Variants in SGCD observed in about 807,000 individuals in gnomAD.
SGCD encodes the protein sarcoglycan delta.
SGCD carries 18 observed loss-of-function variants against 36.6 expected under a neutral mutation model. The observed-to-expected ratio is 0.49, with a 90% CI of 0.34 to 0.73. SGCD has a LOEUF of 0.73. Among genes scored for constraint, SGCD ranks in the 30% least tolerant of loss-of-function variants. The pLI is 0.01. For missense variants in SGCD, 387 were observed against 346.7 expected (o/e 1.12, Z -0.92); for synonymous variants, 133 against 130.6 (o/e 1.02, Z -0.12).
chr5:155,982,128 T>C (rs1021758818), intron 1 of SGCD, among the ~76,000 whole-genome samples: 2 of 152,224 alleles, frequency 1.3e-5, no homozygotes, highest in Non-Finnish European at 2.9e-5. Flanking sequence ...ACCTTGTGTG[T>C]GTCTCCATTG....
chr5:156,593,384 A>G (rs1006844318), intron 5 of SGCD, among the ~76,000 whole-genome samples: 2 of 152,144 alleles, frequency 1.3e-5, no homozygotes, highest in South Asian at 2.1e-4. Flanking sequence ...ATGGATCAAG[A>G]CAAAACAACA....
intron 1 of SGCD, among the ~76,000 whole-genome samples, chr5:156,074,638 C>T (rs67349834): frequency 0.13 from 19,861 of 151,972 alleles, 1,571 homozygotes; most frequent in Admixed American, 0.2. Context: ...CAAGATTATA[C>T]CACTGCACTC....
At chr5:156,394,015 T>C in intron 3 of SGCD, 1 of 353,746 alleles carries the variant, frequency 2.8e-6, no homozygotes, top group Non-Finnish European at 5.6e-6. Flanking sequence ...TCAATTGTGA[T>C]TTAATGGTGC....
At chr5:155,885,926 C>A (rs907880870) in intron 1 of SGCD, among the ~76,000 whole-genome samples, 10 of 152,210 alleles carry the variant, frequency 6.6e-5, no homozygotes, top group African/African-American at 2.4e-4. Context: ...TCCTAACTTT[C>A]CTGACTGAAT....
At chr5:155,885,863 A>C (rs1243173694) in intron 1 of SGCD, among the ~76,000 whole-genome samples, 3 of 152,232 alleles carry the variant, frequency 2.0e-5, no homozygotes. Flanking sequence ...GAAGGATCAC[A>C]GTGCTTTTCT....
chr5:156,657,964 G>A (rs1164220790), intron 7 of SGCD, among the ~76,000 whole-genome samples: 4 of 132,158 alleles, frequency 3.0e-5, no homozygotes, highest in Admixed American at 7.8e-5. Context: ...AGACAAACAC[G>A]TGAACAAAGG....
intron 3 of SGCD, among the ~76,000 whole-genome samples, chr5:156,146,690 A>G (rs538146983): frequency 6.6e-6 from 1 of 152,328 alleles, no homozygotes; most frequent in South Asian, 2.1e-4. Flanking sequence ...AATAGACAAT[A>G]TCCCAAAAAG....
chr5:156,448,741 T>C (rs1204751036), intron 3 of SGCD, among the ~76,000 whole-genome samples: 2 of 132,196 alleles, frequency 1.5e-5, no homozygotes, highest in African/African-American at 2.9e-5. Flanking sequence ...CTTTTTTTTT[T>C]TTTTTTTTTT....
At chr5:155,917,183 C>T (rs1029191744) in intron 1 of SGCD, among the ~76,000 whole-genome samples, 1 of 152,172 alleles carries the variant, frequency 6.6e-6, no homozygotes, top group Non-Finnish European at 1.5e-5. Flanking sequence ...GGTTGCACTT[C>T]TCACCTCTGA....
intron 1 of SGCD, among the ~76,000 whole-genome samples, chr5:155,916,415 T>C (rs1377707627): frequency 6.6e-6 from 1 of 152,190 alleles, no homozygotes. Flanking sequence ...AAGTTTGACA[T>C]GAGGTCTCTA....
chr5:155,781,352 C>A, the SGCD span, among the ~76,000 whole-genome samples: 3 of 152,196 alleles, frequency 2.0e-5, no homozygotes, highest in African/African-American at 7.2e-5. Flanking sequence ...GGATTCCTAT[C>A]ACACCTCGCA....
At chr5:156,355,354 A>G (rs1769443511) in intron 3 of SGCD, among the ~76,000 whole-genome samples, 1 of 152,252 alleles carries the variant, frequency 6.6e-6, no homozygotes, top group Non-Finnish European at 1.5e-5. Context: ...AAAATTTCTC[A>G]TAATCTGATT....
At chr5:156,324,919 G>A (rs983152559), upstream of SGCD, among the ~76,000 whole-genome samples, 1 of 152,128 alleles carries the variant, frequency 6.6e-6, no homozygotes, top group African/African-American at 2.4e-5. Context: ...TCCTCAACTT[G>A]TGGGATTTTA....
intron 3 of SGCD, among the ~76,000 whole-genome samples, chr5:156,176,121 GTGTGTGTGTGTGTGTT>G (rs1344570791): frequency 1.0e-4 from 7 of 67,822 alleles, no homozygotes; most frequent in Non-Finnish European, 1.4e-4. Flanking sequence ...AATATACTTT[GTGTGTGTGTGTGTGTT>G]TGTGTGTGTG....
chr5:155,873,012 G>T (rs1249648970), intron 1 of SGCD, among the ~76,000 whole-genome samples: 3 of 152,168 alleles, frequency 2.0e-5, no homozygotes, highest in Non-Finnish European at 4.4e-5. Context: ...CCAAGAACTT[G>T]CAGCTTCATC....
chr5:156,452,930 C>T (rs543871765), intron 3 of SGCD, among the ~76,000 whole-genome samples: 5 of 152,244 alleles, frequency 3.3e-5, no homozygotes, highest in African/African-American at 1.2e-4. Context: ...GATAGAGTGA[C>T]TTGAGCATAA....
At chr5:156,016,105 T>C (rs1758972229) in intron 1 of SGCD, among the ~76,000 whole-genome samples, 1 of 152,104 alleles carries the variant, frequency 6.6e-6, no homozygotes, top group Non-Finnish European at 1.5e-5. Context: ...GATCCCAACA[T>C]CAGCACATTT....
chr5:155,950,541 G>A (rs1292927959), intron 1 of SGCD, among the ~76,000 whole-genome samples: 1 of 152,096 alleles, frequency 6.6e-6, no homozygotes, highest in Non-Finnish European at 1.5e-5. Flanking sequence ...CTAAAGTTAG[G>A]GGTTGGATGA....
At chr5:155,928,692 G>T (rs55812044) in intron 1 of SGCD, among the ~76,000 whole-genome samples, 10 of 141,098 alleles carry the variant, frequency 7.1e-5, no homozygotes, top group African/African-American at 2.4e-4. Flanking sequence ...AAAAAAAGAG[G>T]TAAAAAAAAT....
Sources: allele counts gnomAD v4.1 joint callset (sites outside exome capture counted in the v4.1 genomes callset), GRCh38; gene constraint gnomAD v4.1.1; transcripts MANE v1.5; gene names NCBI Gene and HGNC (gene_info 2026-07-23, HGNC 2026-07-21).